Variants in AGBL1 observed in about 807,000 individuals in gnomAD.
AGBL1 encodes AGBL carboxypeptidase 1.
Under a neutral mutation model 118.9 loss-of-function variants are expected in AGBL1, and 130 were observed. The observed-to-expected ratio is 1.09, with a 90% CI of 0.95 to 1.26. AGBL1 has a LOEUF of 1.26. Ranked by LOEUF, AGBL1 falls within the 50% of genes most tolerant of loss-of-function variation. The probability of loss-of-function intolerance (pLI) is 0.00; values close to 1 mark genes in which losing one functional copy is unlikely to be tolerated. For missense variants in AGBL1, 1,584 were observed against 1,298.1 expected (o/e 1.22, Z -3.38); for synonymous variants, 555 against 478.9 (o/e 1.16, Z -2.08).
intron 6 of AGBL1, among the ~76,000 whole-genome samples, chr15:86,230,622 T>A (rs560039024): frequency 6.6e-6 from 1 of 152,194 alleles, no homozygotes; most frequent in Non-Finnish European, 1.5e-5. Context: ...AGTTTCCAGA[T>A]GAGGGCCATG....
At chr15:86,743,159 G>A (rs1342562568) in intron 22 of AGBL1, among the ~76,000 whole-genome samples, 1 of 151,928 alleles carries the variant, frequency 6.6e-6, no homozygotes, top group South Asian at 2.1e-4. Flanking sequence ...TCTTTAAAAA[G>A]TATTTTTTTA....
chr15:86,841,296 G>C (rs183370974), intron 22 of AGBL1, among the ~76,000 whole-genome samples: 73 of 152,250 alleles, frequency 4.8e-4, no homozygotes, highest in African/African-American at 1.7e-3. Context: ...GATTTTGTTA[G>C]CAAAGAAGAG....
At chr15:86,263,826 GAGTTAATATATTCTATT>G (rs2079030483) in intron 10 of AGBL1, among the ~76,000 whole-genome samples, 1 of 152,190 alleles carries the variant, frequency 6.6e-6, no homozygotes, top group South Asian at 2.1e-4. Flanking sequence ...TGTACAGAGG[GAGTTAATATATTCTATT>G]TGGCTTCAGA....
At chr15:86,220,109 G>A (rs989933776) in intron 5 of AGBL1, among the ~76,000 whole-genome samples, 1 of 151,926 alleles carries the variant, frequency 6.6e-6, no homozygotes, top group Non-Finnish European at 1.5e-5. Flanking sequence ...CTGCCACCAT[G>A]CCCAGCTAAT....
chr15:86,423,096 C>A, intron 18 of AGBL1, among the ~76,000 whole-genome samples: 1 of 152,200 alleles, frequency 6.6e-6, no homozygotes, highest in South Asian at 2.1e-4. Flanking sequence ...ATGAGGCCAG[C>A]ATCATCCTGA....
At chr15:86,099,602 C>A (rs1349567821) in intron 1 of AGBL1, among the ~76,000 whole-genome samples, 2 of 148,202 alleles carry the variant, frequency 1.3e-5, no homozygotes, top group African/African-American at 5.0e-5. Context: ...TGCAGTGGTG[C>A]GATCTTGGCT....
chr15:86,234,047 T>G (rs560300692), intron 6 of AGBL1, among the ~76,000 whole-genome samples: 1 of 152,300 alleles, frequency 6.6e-6, no homozygotes, highest in African/African-American at 2.4e-5. Flanking sequence ...TAATCCTAGT[T>G]CTTACACTCA....
intron 21 of AGBL1, among the ~76,000 whole-genome samples, chr15:86,655,147 C>T (rs1378090258): frequency 6.6e-6 from 1 of 152,164 alleles, no homozygotes; most frequent in Non-Finnish European, 1.5e-5. Context: ...GGGCTGATTC[C>T]AATCTCCGGA....
intron 24 of AGBL1, among the ~76,000 whole-genome samples, chr15:86,995,216 A>G (rs981620194): frequency 6.6e-6 from 1 of 152,026 alleles, no homozygotes; most frequent in Non-Finnish European, 1.5e-5. Flanking sequence ...GAGAGACTCC[A>G]TCTCTACAAA....
At chr15:86,882,424 A>G (rs2141534666) in intron 22 of AGBL1, among the ~76,000 whole-genome samples, 1 of 152,178 alleles carries the variant, frequency 6.6e-6, no homozygotes, top group South Asian at 2.1e-4. Context: ...TTCTGAAGTC[A>G]CTACACCATT....
At chr15:86,998,443 T>C (rs1180998824) in intron 24 of AGBL1, among the ~76,000 whole-genome samples, 2 of 152,238 alleles carry the variant, frequency 1.3e-5, no homozygotes, top group East Asian at 1.9e-4. Flanking sequence ...GACACATGAA[T>C]TGGGAGTGGA....
At chr15:86,833,291 T>C (rs911794903) in intron 22 of AGBL1, among the ~76,000 whole-genome samples, 1 of 152,112 alleles carries the variant, frequency 6.6e-6, no homozygotes, top group Non-Finnish European at 1.5e-5. Context: ...TAATATGGTT[T>C]GGCTGTGTCC....
chr15:86,221,054 G>T (rs1182076978), intron 5 of AGBL1, among the ~76,000 whole-genome samples: 2 of 151,886 alleles, frequency 1.3e-5, no homozygotes, highest in Non-Finnish European at 2.9e-5. Flanking sequence ...ACAAAAATTA[G>T]CCAGGCATGG....
At chr15:86,923,191 CAG>C (rs917857323) in intron 23 of AGBL1, among the ~76,000 whole-genome samples, 2 of 152,172 alleles carry the variant, frequency 1.3e-5, no homozygotes, top group African/African-American at 4.8e-5. Flanking sequence ...GATAAATAGG[CAG>C]AGTGGGTAAA....
intron 21 of AGBL1, among the ~76,000 whole-genome samples, chr15:86,648,636 G>A (rs773863793): frequency 2.6e-5 from 4 of 152,194 alleles, no homozygotes; most frequent in Non-Finnish European, 5.9e-5. Flanking sequence ...GGTCTGGGCT[G>A]TAGAAGTAAA....
At chr15:86,276,998 C>T (rs1417122055) in intron 15 of AGBL1, among the ~76,000 whole-genome samples, 1 of 152,168 alleles carries the variant, frequency 6.6e-6, no homozygotes, top group African/African-American at 2.4e-5. Context: ...ATCTCCTGGA[C>T]AACTCCTGCT....
chr15:86,330,689 C>T (rs1210632770), intron 17 of AGBL1, among the ~76,000 whole-genome samples: 1 of 151,820 alleles, frequency 6.6e-6, no homozygotes, highest in Non-Finnish European at 1.5e-5. Context: ...CAAAGAAGCT[C>T]AATGAAATCC....
chr15:86,155,894 A>T (rs946296121), intron 4 of AGBL1, among the ~76,000 whole-genome samples: 1 of 152,066 alleles, frequency 6.6e-6, no homozygotes, highest in African/African-American at 2.4e-5. Context: ...TAAACAAAAG[A>T]AATGTATTTT....
At chr15:86,818,257 A>G (rs908518525) in intron 22 of AGBL1, among the ~76,000 whole-genome samples, 1 of 152,164 alleles carries the variant, frequency 6.6e-6, no homozygotes. Context: ...CGGCAGCTCT[A>G]GAGCAGAACT....
Sources: gnomAD v4.1 joint callset for allele counts (sites outside exome capture counted in the v4.1 genomes callset) on GRCh38, gnomAD v4.1.1 for gene constraint, MANE v1.5 for transcripts, NCBI Gene and HGNC (gene_info 2026-07-23, HGNC 2026-07-21) for gene names.